Variants in PHF24 observed in about 807,000 individuals in gnomAD.
PHF24 encodes the protein PHD finger protein 24, also known as Galpha inhibitory interacting protein.
Under a neutral mutation model 42.6 loss-of-function variants are expected in PHF24, and 25 were observed. The ratio of observed to expected loss-of-function variants is 0.59; its 90% CI spans 0.43 to 0.82. The LOEUF is 0.82. Ranked by LOEUF, PHF24 falls within the 40% of genes least tolerant of loss-of-function variation. The probability of loss-of-function intolerance (pLI) is 0.00; values close to 1 mark genes in which losing one functional copy is unlikely to be tolerated. For synonymous variants in PHF24, 185 were observed against 204.8 expected (o/e 0.90, Z 0.83); for missense variants, 470 against 538.1 (o/e 0.87, Z 1.25).
chr9:34,894,589 A>C, the PHF24 span: 1 of 398,238 alleles, frequency 2.5e-6, no homozygotes. Context: ...TTTAATGAGA[A>C]GATACTGAAA....
the PHF24 span, among the ~76,000 whole-genome samples, chr9:34,786,082 A>C: frequency 6.6e-6 from 1 of 152,158 alleles, no homozygotes; most frequent in Non-Finnish European, 1.5e-5. Context: ...CTGTTATCCA[A>C]TACATAATTG....
the PHF24 span, among the ~76,000 whole-genome samples, chr9:34,701,723 G>A: frequency 5.3e-3 from 803 of 152,110 alleles, 5 homozygotes; most frequent in Non-Finnish European, 8.3e-3. The surrounding 1 kb of genome is among the most constrained non-coding windows in gnomAD (Gnocchi z 5.8). Context: ...CAGTTACCCC[G>A]GGCCAGGACA....
the PHF24 span, chr9:34,922,412 C>T: frequency 7.4e-7 from 1 of 1,360,382 alleles, no homozygotes; most frequent in Non-Finnish European, 1.1e-6. Context: ...AGTTAAGGGC[C>T]AGACCCAGTC....
At chr9:34,943,834 T>C in the PHF24 span, among the ~76,000 whole-genome samples, 2 of 152,196 alleles carry the variant, frequency 1.3e-5, no homozygotes, top group African/African-American at 4.8e-5. Flanking sequence ...ATTAGTCCCA[T>C]GGATATCAAT....
chr9:34,932,594 C>CAATT, the PHF24 span, among the ~76,000 whole-genome samples: 2 of 152,064 alleles, frequency 1.3e-5, no homozygotes, highest in Non-Finnish European at 2.9e-5. Context: ...TGTGCCAAGG[C>CAATT]AATTTTAAAT....
the PHF24 span, chr9:34,723,621 T>G: frequency 2.6e-4 from 396 of 1,551,790 alleles, 3 homozygotes; most frequent in African/African-American, 4.5e-3. Flanking sequence ...CTAGACTCTG[T>G]AAGGCTGGGC....
At chr9:34,724,043 C>A in the PHF24 span, 1 of 1,527,264 alleles carries the variant, frequency 6.5e-7, no homozygotes, top group East Asian at 2.5e-5. Context: ...GCGCCCAAAC[C>A]CCGCATCCCC....
the PHF24 span, among the ~76,000 whole-genome samples, chr9:34,936,124 A>G: frequency 4.6e-5 from 7 of 151,140 alleles, no homozygotes; most frequent in African/African-American, 7.4e-5. Flanking sequence ...GCCGAGCCGA[A>G]GCTGGACTGT....
chr9:34,738,475 T>C, the PHF24 span, among the ~76,000 whole-genome samples: 2 of 151,960 alleles, frequency 1.3e-5, no homozygotes, highest in East Asian at 3.9e-4. Context: ...CTCAGCCTCC[T>C]GAGTAGCTGG....
chr9:34,794,354 A>T, the PHF24 span, among the ~76,000 whole-genome samples: 10 of 152,314 alleles, frequency 6.6e-5, no homozygotes, highest in African/African-American at 2.4e-4. Context: ...TAAAACATTA[A>T]CGTTATCTAT....
At chr9:34,669,991 T>C in the PHF24 span, among the ~76,000 whole-genome samples, 2 of 152,088 alleles carry the variant, frequency 1.3e-5, no homozygotes, top group African/African-American at 4.8e-5. Context: ...TGGCCAATAA[T>C]TCAATTATGC....
the PHF24 span, among the ~76,000 whole-genome samples, chr9:34,862,571 G>C: frequency 6.6e-6 from 1 of 152,000 alleles, no homozygotes; most frequent in East Asian, 1.9e-4. Flanking sequence ...ACCTTGAAGG[G>C]AAGGACCTAG....
At chr9:34,832,361 G>A in the PHF24 span, 1 of 790,528 alleles carries the variant, frequency 1.3e-6, no homozygotes, top group Non-Finnish European at 2.1e-6. Context: ...AGTGGTGGGG[G>A]TGGCCTGGGG....
chr9:34,755,973 G>A, the PHF24 span, among the ~76,000 whole-genome samples: 1 of 152,240 alleles, frequency 6.6e-6, no homozygotes, highest in South Asian at 2.1e-4. Context: ...TGTTGCCTGT[G>A]CTTTTGAGGT....
chr9:34,952,930 G>A (rs1368769445), upstream of PHF24, among the ~76,000 whole-genome samples: 1 of 152,042 alleles, frequency 6.6e-6, no homozygotes, highest in African/African-American at 2.4e-5. Flanking sequence ...TACAAAATCA[G>A]GAATTTCAAT....
At chr9:34,877,528 T>C in the PHF24 span, among the ~76,000 whole-genome samples, 2 of 152,108 alleles carry the variant, frequency 1.3e-5, no homozygotes, top group African/African-American at 4.8e-5. Context: ...TTTGGTATGA[T>C]GAAAAAGCGT....
the PHF24 span, among the ~76,000 whole-genome samples, chr9:34,749,823 C>T: frequency 6.6e-6 from 1 of 151,768 alleles, no homozygotes; most frequent in Admixed American, 6.6e-5. Context: ...GGAAAGGATC[C>T]TAAAACACCA....
the PHF24 span, among the ~76,000 whole-genome samples, chr9:34,886,754 A>ATCTGTCTG: frequency 5.0e-3 from 743 of 147,650 alleles, 8 homozygotes; most frequent in African/African-American, 0.016. Flanking sequence ...CTATCTATCT[A>ATCTGTCTG]TCTGTCTGTC....
the PHF24 span, among the ~76,000 whole-genome samples, chr9:34,881,351 A>T: frequency 1.1e-3 from 171 of 152,310 alleles, no homozygotes; most frequent in African/African-American, 4.0e-3. Context: ...GCAAGAAATA[A>T]CTAAGATCAG....
Sources: gnomAD v4.1 joint callset for allele counts (sites outside exome capture counted in the v4.1 genomes callset) on GRCh38, gnomAD v4.1.1 for gene constraint, Gnocchi (gnomAD v3.1) non-coding constraint, MANE v1.5 for transcripts, NCBI Gene and HGNC (gene_info 2026-07-23, HGNC 2026-07-21) for gene names.